ATP11C: variants seen among roughly 807,000 people sequenced by gnomAD.
ATP11C encodes the protein ATPase phospholipid transporting 11C (ATP11C blood group), also known as phospholipid-transporting ATPase IG.
ATP11C carries 36 observed loss-of-function variants against 97.4 expected under a neutral mutation model. That is an observed-to-expected ratio of 0.37 (90% CI 0.28 to 0.49). The LOEUF (loss-of-function observed/expected upper bound fraction) is 0.49. Ranked by LOEUF, ATP11C falls within the 20% of genes least tolerant of loss-of-function variation. ATP11C has a pLI of 0.98. For missense variants in ATP11C, 730 were observed against 824.6 expected (o/e 0.89, Z 1.40); for synonymous variants, 275 against 290.9 (o/e 0.95, Z 0.56).
Position 139,783,182 on chromosome X carries a change from A to T in ATP11C, c.1752T>A (p.His584Gln). 8.3e-7 allele frequency: 1 copy of T among 1,205,020 alleles called. No individual in the cohort carries two copies. The highest frequency in any genetic ancestry group is 1.1e-6 in the Non-Finnish European group (1 of 890,089). ...QNHEIELTKV[H>Q]VERNAMDGYR... ...GGCTCACCATTGCATTACGTTCCAC[A>T]TGGACTTTAGTTAACTCAATTTCAT... The change falls in exon 17 of 30, where the codon CAT (histidine) becomes CAA (glutamine). Residue 584 changes from histidine (H) to glutamine (Q), a missense_variant. Coordinates refer to ENST00000682941, the MANE Select transcript of ATP11C (RefSeq NM_001353812.2).
At chrX:139,853,404 GAGAGAGAGGAAGAGAC>G (rs1282246927) in intron 1 of ATP11C, among the ~76,000 whole-genome samples, 1 of 109,893 alleles carries the variant, frequency 9.1e-6, no homozygotes, top group African/African-American at 3.3e-5. Context: ...GAGGCAAAGA[GAGAGAGAGGAAGAGAC>G]AGAGGAAGAG....
At position 139,798,325 on chromosome X, in the gene ATP11C, T is replaced by C; in HGVS notation, c.805A>G (p.Lys269Glu). The C allele has an allele frequency of 8.3e-7, 1 of 1,206,824 alleles. No homozygotes were observed. The highest frequency in any genetic ancestry group is 1.1e-6 in the Non-Finnish European group (1 of 893,136). ...TTCCCTTGGTAGTTCAAAGCCATTT[T>C]GGTTTCCATTCCAGTGTAAACAGCA... ...GVAVYTGMET[K>E]MALNYQGKSQ... Residue 269 changes from lysine (K) to glutamate (E), a missense_variant, in exon 10 of 30, where the codon AAA (lysine) becomes GAA (glutamate). By Grantham distance (56) the Lys-to-Glu change is moderately conservative. Transcript: ENST00000682941.
At chrX:139,929,064 T>C (rs1395849444) in intron 1 of ATP11C, among the ~76,000 whole-genome samples, 2 of 112,461 alleles carry the variant, frequency 1.8e-5, no homozygotes, top group Non-Finnish European at 3.8e-5. Context: ...TCCATGACCC[T>C]TAAATCTCAA....
At chrX:139,780,481 A>G (rs1461472518) in intron 18 of ATP11C, among the ~76,000 whole-genome samples, 1 of 109,573 alleles carries the variant, frequency 9.1e-6, no homozygotes, top group Non-Finnish European at 1.9e-5. Flanking sequence ...CAGAAAAAAT[A>G]TTCAATAAAA....
intron 1 of ATP11C, among the ~76,000 whole-genome samples, chrX:139,870,336 TGTTTA>T (rs1484369324): frequency 8.9e-6 from 1 of 112,589 alleles, no homozygotes; most frequent in African/African-American, 3.2e-5. Flanking sequence ...TTTACACGTA[TGTTTA>T]GTTATCTATG....
rs1383891161 is a variant in ATP11C, at chrX:139,899,590, T to G, written c.27+32426A>C. On this transcript the variant is annotated intron_variant, in intron 1 of 29. Transcript: ENST00000682941. ...AAGTATAAACTTTAGTTTAAAATAA[T>G]GTATCAATGTTGATTCATGAATCGT... 4.5e-5 allele frequency among the ~76,000 whole-genome samples: 5 copies of G among 111,057 alleles called. No individual in the cohort carries two copies. The Admixed American group carries it at 4.8e-4, about 11-fold the overall frequency.
chrX:139,742,123 C>G (rs1432327695), intron 26 of ATP11C, among the ~76,000 whole-genome samples: 1 of 111,461 alleles, frequency 9.0e-6, no homozygotes, highest in African/African-American at 3.3e-5. Flanking sequence ...CATTTGGAAG[C>G]CCTGTGGCTA....
In ATP11C at chrX:139,804,591, A is replaced by G. The variant is rs775317527; in HGVS notation, c.435T>C (p.Asp145=). The G allele has an allele frequency of 7.4e-5, 88 of 1,183,747 alleles. No individual in the cohort carries two copies. Among genetic ancestry groups the G allele is most frequent in the Non-Finnish European group, 9.8e-5 (86 of 878,928 alleles). The change falls in exon 6 of 30, where the codon GAT becomes GAC. Residue 145 remains aspartate, a synonymous_variant. Coordinates refer to ENST00000682941, the MANE Select transcript of ATP11C (RefSeq NM_001353812.2). The stretch of plus-strand genomic sequence containing the variant: ...TTTCATCTGCCTGTACTTCTACTAC[A>G]TCACCAACCTGGAATTGAGAAATAA... ...RKESEKIKVG[D]VVEVQADETF...
rs1237422636 is a variant in ATP11C, at chrX:139,815,196, TAA to T, written c.319-213_319-212del. ...CCTTAGATAAATAGCTTTGTTGTGT[TAA>T]AAGTTTTCTCCACTCTTTAAACATT... On this transcript the variant is annotated intron_variant, in intron 4 of 29. Coordinates refer to ENST00000682941, the MANE Select transcript of ATP11C (RefSeq NM_001353812.2). Among the ~76,000 whole-genome samples, 3 of 112,262 alleles carry T rather than the reference TAA, an allele frequency of 2.7e-5. No individual in the cohort carries two copies. In the Admixed American group the frequency reaches 2.8e-4, roughly 11 times the overall value.
At chrX:139,805,302 A>C (rs746848782) in intron 5 of ATP11C, among the ~76,000 whole-genome samples, 2 of 111,661 alleles carry the variant, frequency 1.8e-5, no homozygotes, top group South Asian at 7.6e-4. Flanking sequence ...ATAACCATTA[A>C]AAGTTTGGAC....
chrX:139,899,867 A>T (rs1006655363), intron 1 of ATP11C, among the ~76,000 whole-genome samples: 1 of 111,644 alleles, frequency 9.0e-6, no homozygotes, highest in Non-Finnish European at 1.9e-5. Context: ...ACCTGCAATT[A>T]ATTTCCTATG....
intron 2 of ATP11C, among the ~76,000 whole-genome samples, chrX:139,820,192 C>CAAAA (rs34792545): frequency 1.1e-5 from 1 of 90,652 alleles, no homozygotes; most frequent in East Asian, 3.4e-4. Flanking sequence ...ACTCCGTCGC[C>CAAAA]AAAAAAAAAA....
At chrX:139,866,343 C>CAAAAAAAAAAAAAAAAAAAAA (rs57250412) in intron 1 of ATP11C, among the ~76,000 whole-genome samples, 8 of 27,550 alleles carry the variant, frequency 2.9e-4, no homozygotes, top group East Asian at 2.3e-3. Flanking sequence ...GACTCTGTCT[C>CAAAAAAAAAAAAAAAAAAAAA]AAAAAAAAAA....
intron 1 of ATP11C, among the ~76,000 whole-genome samples, chrX:139,923,093 C>CT (rs1313420070): frequency 3.6e-5 from 4 of 111,910 alleles, no homozygotes; most frequent in South Asian, 3.7e-4. Context: ...ACCTGTTATA[C>CT]TTTTTTTTAT....
chrX:139,762,101 T>C lies in ATP11C; in HGVS notation c.2500A>G (p.Lys834Glu). The change falls in exon 22 of 30, where the codon AAA becomes GAA. Residue 834 changes from lysine to glutamate, a missense_variant. Physicochemically the swap from Lys to Glu is moderately conservative, Grantham distance 56. Coordinates refer to ENST00000682941, the MANE Select transcript of ATP11C (RefSeq NM_001353812.2). ...ILESHVGIGIKGKEGRQAARN... is the reference protein window; with the variant it reads ...ILESHVGIGIEGKEGRQAARN... The stretch of plus-strand genomic sequence containing the variant: ...GCTGCTTGGCGACCTTCTTTGCCTT[T>C]AATACCTAAAAGAGAGTATCTCTAT... 1 of 1,198,790 alleles carries C rather than the reference T, an allele frequency of 8.3e-7. No homozygotes were observed. Among genetic ancestry groups the C allele is most frequent in the Non-Finnish European group, 1.1e-6 (1 of 887,197 alleles).
intron 25 of ATP11C, among the ~76,000 whole-genome samples, chrX:139,744,089 T>C (rs902475150): frequency 1.8e-5 from 2 of 110,491 alleles, no homozygotes; most frequent in African/African-American, 6.6e-5. Context: ...TGGCTGTAAA[T>C]ACAAGAGCTA....
chrX:139,914,110 C>T (rs1475891779), intron 1 of ATP11C, among the ~76,000 whole-genome samples: 2 of 111,856 alleles, frequency 1.8e-5, no homozygotes, highest in Admixed American at 1.9e-4. Context: ...ATCCCAGGAG[C>T]CCATGCAGTT....
chrX:139,901,478 G>C (rs1013820303), intron 1 of ATP11C, among the ~76,000 whole-genome samples: 11 of 111,607 alleles, frequency 9.9e-5, no homozygotes, highest in Admixed American at 9.6e-4. Context: ...AGAGATTGCT[G>C]ATGGCTGCGG....
chrX:139,932,253 G>C lies in ATP11C; in HGVS notation c.-211C>G, dbSNP rs1297619542. 1 of 128,212 alleles carries C rather than the reference G, an allele frequency of 7.8e-6. No homozygotes were observed. Among genetic ancestry groups the C allele is most frequent in the Non-Finnish European group, 1.4e-5 (1 of 71,190 alleles). 10.6% of individuals were successfully genotyped at this position (128,212 alleles called of 1,213,427 possible). On this transcript the variant is annotated 5_prime_UTR_variant, in exon 1 of 30. Transcript: ENST00000682941. ...GCCTAGCCGCCGCCCCGCCTCACTC[G>C]CGGCCCGCCCCCGGCCTGCCTGACC... is the stretch of plus-strand genomic sequence containing the variant.
Sources: gnomAD v4.1 joint callset for allele counts (sites outside exome capture counted in the v4.1 genomes callset) on GRCh38, gnomAD v4.1.1 for gene constraint, MANE v1.5 for transcripts, NCBI Gene and HGNC (gene_info 2026-07-23, HGNC 2026-07-21) for gene names.